MEAF6: variants seen among roughly 807,000 people sequenced by gnomAD.
MEAF6 encodes MYST/Esa1 associated factor 6.
Under a neutral mutation model 28.9 loss-of-function variants are expected in MEAF6, and 15 were observed. That is an observed-to-expected ratio of 0.52 (90% confidence interval 0.35 to 0.80). The LOEUF (loss-of-function observed/expected upper bound fraction) is 0.80. Among genes scored for constraint, MEAF6 ranks in the 30% least tolerant of loss-of-function variants. The pLI is 0.01. For synonymous variants in MEAF6, 97 were observed against 88.7 expected (o/e 1.09, Z -0.53); for missense variants, 178 against 237.5 (o/e 0.75, Z 1.65).
At chr1:37,495,759 C>CA in intron 6 of MEAF6, 126 bp downstream of exon 6, 1 of 673,386 alleles carries the variant, frequency 1.5e-6, no homozygotes, top group Non-Finnish European at 2.4e-6. Flanking sequence ...TCCAGATGGA[C>CA]ACCCCAGACT....
At chr1:37,514,559 C>A in intron 1 of MEAF6, 98 bp downstream of exon 1, 1 of 916,560 alleles carries the variant, frequency 1.1e-6, no homozygotes, top group Non-Finnish European at 1.5e-6. Context: ...GCGCCGCGCC[C>A]CCGGAGTAAC....
intron 6 of MEAF6, 107 bp from the exon 7 acceptor site, chr1:37,494,214 T>G (rs1642036520): frequency 1.1e-6 from 1 of 916,148 alleles, no homozygotes; most frequent in Non-Finnish European, 1.7e-6. Flanking sequence ...GACTGCTCTA[T>G]AGCTAAAGAT....
rs189942653 is a variant in MEAF6 at position 37,495,586 on chromosome 1, T to G, written c.567+299A>C. Among the ~76,000 whole-genome samples, 777 of 146,768 alleles carry G rather than the reference T, an allele frequency of 5.3e-3. 10 individuals are homozygous for G. Among genetic ancestry groups the G allele is most frequent in the African/African-American group, 0.019 (743 of 40,082 alleles). ...GGTGGCATGTACCTGTATTCCCAGCTACTCGGGAGGCCAAGCACAGGAGGT... is the reference window on the plus strand; with the variant it reads ...GGTGGCATGTACCTGTATTCCCAGCGACTCGGGAGGCCAAGCACAGGAGGT... On this transcript the variant is annotated intron_variant, in intron 6 of 6. Transcript: ENST00000296214.
chr1:37,514,053 G>A (rs1195881424), intron 1 of MEAF6: 1 of 175,078 alleles, frequency 5.7e-6, no homozygotes, highest in Admixed American at 5.6e-5. Context: ...GGCAGGAAGA[G>A]CTTAGCCACC....
intron 2 of MEAF6, among the ~76,000 whole-genome samples, chr1:37,510,550 T>G (rs142154851): frequency 4.9e-4 from 74 of 150,668 alleles, no homozygotes; most frequent in African/African-American, 1.6e-3. Flanking sequence ...CCCGGCTAAT[T>G]TTTGTATTTT....
chr1:37,504,951 T>C (rs963798141), intron 4 of MEAF6, among the ~76,000 whole-genome samples: 2 of 151,826 alleles, frequency 1.3e-5, no homozygotes, highest in African/African-American at 4.8e-5. Context: ...TGGCGCGATC[T>C]TGGCTCACTG....
In MEAF6 at chr1:37,490,867, A is replaced by AT. The variant is rs1198821088; in HGVS notation, c.*3231dup. Among the ~76,000 whole-genome samples the AT allele has an allele frequency of 6.7e-6, 1 of 148,894 alleles. No individual in the cohort carries two copies. Among genetic ancestry groups the AT allele is most frequent in the Non-Finnish European group, 1.5e-5 (1 of 66,220 alleles). ...TGGTGAAACCCGGTCTCTATTGAAA[A>AT]TAAAAAAAAACTAGCTGGGTGTGGT... On this transcript the variant is annotated 3_prime_UTR_variant, in exon 7 of 7. Transcript: ENST00000296214.
At position 37,509,311 on chromosome 1, in the gene MEAF6, A is replaced by G. The variant is rs764068047; in HGVS notation, c.307T>C (p.Leu103=). ...SVTSAAAVSA[L]AGVQDQLIEK... ...ATGAGCTGGTCCTGAACTCCTGCCA[A>G]TGCACTTACTGCCTAAAAGAAAAGC... The change falls in exon 4 of 7, where the codon TTG becomes CTG. Residue 103 remains leucine (L), a synonymous_variant. Coordinates refer to ENST00000296214, the MANE Select transcript of MEAF6 (RefSeq NM_001270875.3). The G allele has an allele frequency of 3.7e-6, 6 of 1,614,110 alleles. No individual in the cohort carries two copies. The highest frequency in any genetic ancestry group is 4.2e-6 in the Non-Finnish European group (5 of 1,179,994).
intron 5 of MEAF6, chr1:37,496,611 T>C: frequency 6.5e-7 from 1 of 1,534,768 alleles, no homozygotes; most frequent in Non-Finnish European, 8.8e-7. Flanking sequence ...ATACCTACAA[T>C]TAAACAGATA....
intron 4 of MEAF6, among the ~76,000 whole-genome samples, chr1:37,505,248 C>T (rs1642442581): frequency 6.6e-6 from 1 of 152,092 alleles, no homozygotes. Context: ...AATTGAGTAG[C>T]ATACGGGTAC....
chr1:37,505,915 C>T (rs1039301452), intron 4 of MEAF6, among the ~76,000 whole-genome samples: 5 of 152,166 alleles, frequency 3.3e-5, no homozygotes, highest in African/African-American at 9.7e-5. Context: ...CCCCATCTCA[C>T]AACATACACA....
chr1:37,509,299 G>C lies in MEAF6; in HGVS notation c.319C>G (p.Gln107Glu). The change falls in exon 4 of 7, where the codon CAG (glutamine) becomes GAG (glutamate). Residue 107 changes from glutamine to glutamate, a missense_variant. Coordinates refer to ENST00000296214, the MANE Select transcript of MEAF6 (RefSeq NM_001270875.3). ...AAAVSALAGVQDQLIEKREPG... is the reference protein window; with the variant it reads ...AAAVSALAGVEDQLIEKREPG... ...TTACTCTTTTCAATGAGCTGGTCCT[G>C]AACTCCTGCCAATGCACTTACTGCC... 3 of 1,614,028 alleles carry C rather than the reference G, an allele frequency of 1.9e-6. No individual in the cohort carries two copies. The highest frequency in any genetic ancestry group is 2.5e-6 in the Non-Finnish European group (3 of 1,179,968).
rs990270108 is a variant in MEAF6, at chr1:37,491,911, CTT to C, written c.*2186_*2187del. Among the ~76,000 whole-genome samples the C allele has an allele frequency of 2.5e-4, 34 of 133,822 alleles. No individual in the cohort carries two copies. The highest frequency in any genetic ancestry group is 7.5e-3 in the Middle Eastern group (2 of 266). 87.8% of individuals were successfully genotyped at this position (133,822 alleles called of 152,430 possible). A position where few individuals can be genotyped will look rare whatever the true frequency, so the allele number is the denominator to read the frequency against. On this transcript the variant is annotated 3_prime_UTR_variant, in exon 7 of 7. Coordinates refer to ENST00000296214, the MANE Select transcript of MEAF6 (RefSeq NM_001270875.3). ...TAATCTTTTTAAGAGCAGTACTATT[CTT>C]TCTTTTTTTTTTTTTTTTTGACAGA...
intron 5 of MEAF6, among the ~76,000 whole-genome samples, chr1:37,499,698 C>T (rs1359278347): frequency 2.6e-5 from 4 of 152,070 alleles, no homozygotes; most frequent in Non-Finnish European, 5.9e-5. Flanking sequence ...ACACTATTTG[C>T]GAAGCAGTAA....
chr1:37,504,939 A>G (rs1642434816), intron 4 of MEAF6, among the ~76,000 whole-genome samples: 1 of 151,558 alleles, frequency 6.6e-6, no homozygotes. Flanking sequence ...GCTGGAGTAC[A>G]GTGGCGCGAT....
rs1226803264 is a variant in MEAF6, at chr1:37,509,489, C to G, written c.260G>C (p.Arg87Pro). The G allele has an allele frequency of 6.2e-7, 1 of 1,613,992 alleles. No individual in the cohort carries two copies. The highest frequency in any genetic ancestry group is 1.3e-5 in the African/African-American group (1 of 74,910). ...GGTAACCGAGGATTTACTGAAGAGC[C>G]GCTCAGCTTCCTTAAACTTCCGGTT... ...RRNRKFKEAERLFSKSSVTSA... is the reference protein window; with the variant it reads ...RRNRKFKEAEPLFSKSSVTSA... Residue 87 changes from arginine (R) to proline (P), a missense_variant, in exon 3 of 7, where the codon CGG becomes CCG. Coordinates refer to ENST00000296214, the MANE Select transcript of MEAF6 (RefSeq NM_001270875.3).
At chr1:37,496,319 AG>A (rs1642128108) in intron 5 of MEAF6, among the ~76,000 whole-genome samples, 1 of 152,246 alleles carries the variant, frequency 6.6e-6, no homozygotes, top group South Asian at 2.1e-4. Flanking sequence ...AGAGACTAGG[AG>A]TTTGTATTTC....
intron 4 of MEAF6, among the ~76,000 whole-genome samples, chr1:37,505,870 A>G (rs1470067698): frequency 1.3e-5 from 2 of 152,246 alleles, no homozygotes; most frequent in African/African-American, 4.8e-5. Flanking sequence ...TGCTGGAACA[A>G]CTAGATATTC....
intron 4 of MEAF6, among the ~76,000 whole-genome samples, chr1:37,504,598 C>T (rs564284090): frequency 6.6e-6 from 1 of 151,460 alleles, no homozygotes; most frequent in South Asian, 2.1e-4. Context: ...TGGTAAGACC[C>T]CACCTCTACT....
Sources: gnomAD v4.1 joint callset for allele counts (sites outside exome capture counted in the v4.1 genomes callset) on GRCh38, gnomAD v4.1.1 for gene constraint, MANE v1.5 for transcripts, NCBI Gene and HGNC (gene_info 2026-07-23, HGNC 2026-07-21) for gene names.